Variants in C7 observed in about 807,000 individuals in gnomAD.
C7 encodes the protein complement component C7.
C7 carries 83 observed loss-of-function variants against 104.8 expected under a neutral mutation model. That is an observed-to-expected ratio of 0.79 (90% CI 0.66 to 0.95). The LOEUF (loss-of-function observed/expected upper bound fraction) is 0.95, where lower values mean the gene tolerates loss of function less well. Ranked by LOEUF, C7 falls within the 40% of genes least tolerant of loss-of-function variation. The pLI, the probability that C7 is intolerant of heterozygous loss-of-function variation, is 0.00. For missense variants in C7, 1,070 were observed against 1,011.2 expected (o/e 1.06, Z -0.79); for synonymous variants, 415 against 360.6 (o/e 1.15, Z -1.71).
intron 1 of C7, among the ~76,000 whole-genome samples, chr5:40,916,715 T>A (rs1976422): frequency 0.41 from 62,491 of 151,476 alleles, 14,554 homozygotes; most frequent in African/African-American, 0.65. Flanking sequence ...ATTTTTTTTT[T>A]AAAAAAGCAT....
At chr5:40,951,998 G>A (rs1740181222) in intron 9 of C7, among the ~76,000 whole-genome samples, 1 of 152,190 alleles carries the variant, frequency 6.6e-6, no homozygotes, top group African/African-American at 2.4e-5. Flanking sequence ...ACATGTCAGA[G>A]GAGGAAAAGT....
intron 1 of C7, among the ~76,000 whole-genome samples, chr5:40,923,681 G>A (rs1739489280): frequency 6.6e-6 from 1 of 151,952 alleles, no homozygotes; most frequent in South Asian, 2.1e-4. Flanking sequence ...AGGGGGTGGA[G>A]GTTGCAGTGA....
rs186125457 is a variant in C7 at position 40,942,753 on chromosome 5, C to T, written c.568-2445C>T. 8.6e-3 allele frequency among the ~76,000 whole-genome samples: 1,285 copies of T among 149,902 alleles called. 18 individuals are homozygous for T. The highest frequency in any genetic ancestry group is 0.03 in the African/African-American group (1,233 of 40,890). On this transcript the variant is annotated intron_variant, in intron 6 of 17. Coordinates refer to ENST00000313164, the MANE Select transcript of C7 (RefSeq NM_000587.4). ...AGTGGCACCAATCCGTACAGTTGTG[C>T]GATTTTCTTTCTTTCTTTTTTTTTT...
chr5:40,949,866 A>G, intron 8 of C7, 38 bp from the exon 9 acceptor site: 2 of 1,279,470 alleles, frequency 1.6e-6, no homozygotes, highest in African/African-American at 1.5e-5. Flanking sequence ...CAAGGAATGC[A>G]GAAATTAAAC....
intron 1 of C7, among the ~76,000 whole-genome samples, chr5:40,910,296 T>G (rs2111599042): frequency 6.6e-6 from 1 of 152,194 alleles, no homozygotes; most frequent in South Asian, 2.1e-4. Context: ...AATGCAAAAA[T>G]AAGTTGAGAT....
Position 40,955,467 on chromosome 5 carries a change from G to C in C7, c.1174G>C (p.Glu392Gln). 1.9e-6 allele frequency: 3 copies of C among 1,613,454 alleles called. No individual in the cohort carries two copies. The South Asian group carries it at 3.3e-5, about 18-fold the overall frequency. The change falls in exon 10 of 18, where the codon GAG becomes CAG. Residue 392 changes from glutamate to glutamine, a missense_variant. Transcript: ENST00000313164. Reference protein sequence around the residue: ...AGFISGLSYLELDNPAGNKRR... With the variant: ...AGFISGLSYLQLDNPAGNKRR... The stretch of plus-strand genomic sequence containing the variant: ...CTTCATATCTGGCCTTAGTTACCTA[G>C]AGCTGGACAATCCTGCTGGAAACAA...
At chr5:40,952,422 T>G (rs1203730540) in intron 9 of C7, among the ~76,000 whole-genome samples, 2 of 152,184 alleles carry the variant, frequency 1.3e-5, no homozygotes, top group African/African-American at 4.8e-5. Context: ...CACTGGGGTA[T>G]GGAAAGGGAG....
intron 1 of C7, among the ~76,000 whole-genome samples, chr5:40,911,541 C>T (rs1439694745): frequency 3.9e-5 from 6 of 152,102 alleles, no homozygotes; most frequent in Admixed American, 2.6e-4. Flanking sequence ...AGGGAATGGT[C>T]GTCACAGTGC....
chr5:40,974,912 C>A (rs1201781580), intron 15 of C7, among the ~76,000 whole-genome samples: 1 of 152,106 alleles, frequency 6.6e-6, no homozygotes, highest in South Asian at 2.1e-4. Context: ...GCTATGGGAG[C>A]CTCTTCTGTG....
chr5:40,963,425 A>C (rs1013530914), intron 13 of C7, among the ~76,000 whole-genome samples: 1 of 152,178 alleles, frequency 6.6e-6, no homozygotes, highest in South Asian at 2.1e-4. Flanking sequence ...GGAGGAAGGA[A>C]TAGGATCATG....
chr5:40,964,128 C>T (rs547344982), intron 13 of C7, among the ~76,000 whole-genome samples: 10 of 147,786 alleles, frequency 6.8e-5, no homozygotes, highest in South Asian at 6.6e-4. Context: ...CTGCAACCTC[C>T]GTCCCCCAGG....
At chr5:40,954,877 CAAAAAAAA>C (rs35360366) in intron 9 of C7, 18 of 54,656 alleles carry the variant, frequency 3.3e-4, no homozygotes, top group South Asian at 1.1e-3. Context: ...AATACTGTCT[CAAAAAAAA>C]AAAAAAAAAA....
intron 15 of C7, among the ~76,000 whole-genome samples, chr5:40,974,927 G>T (rs1310210419): frequency 1.3e-5 from 2 of 152,092 alleles, no homozygotes; most frequent in Non-Finnish European, 2.9e-5. Flanking sequence ...TCTGTGCATT[G>T]CAGGGTGCTT....
chr5:40,964,892 A>G lies in C7; in HGVS notation c.1882+19A>G, dbSNP rs770362438. On this transcript the variant is annotated intron_variant, in intron 14 of 17. Coordinates refer to ENST00000313164, the MANE Select transcript of C7 (RefSeq NM_000587.4). Reference sequence around the variant, plus strand: ...TGTCAGAGTGAGTGGCGTCAGTTGTATATAATTTAAGATGAGAAAATTACG... The same window carrying G: ...TGTCAGAGTGAGTGGCGTCAGTTGTGTATAATTTAAGATGAGAAAATTACG... The G allele has an allele frequency of 1.3e-5, 21 of 1,612,560 alleles. No homozygotes were observed. In the South Asian group the frequency reaches 1.9e-4, roughly 14 times the overall value.
chr5:40,974,387 G>GTTTTT lies in C7; in HGVS notation c.2074+1802_2074+1806dup, dbSNP rs34725318. On this transcript the variant is annotated intron_variant, in intron 15 of 17. Transcript: ENST00000313164. ...ATTCTTTGGGCTAGGTAATTCTATC[G>GTTTTT]TTTTTTTTTTTTTCCACAAAGACAT... 3.9e-3 allele frequency among the ~76,000 whole-genome samples: 537 copies of GTTTTT among 138,138 alleles called. 2 individuals are homozygous for GTTTTT. Among genetic ancestry groups the GTTTTT allele is most frequent in the African/African-American group, 0.014 (507 of 37,430 alleles). The allele number at this position is 138,138 out of a possible 152,430, so 90.6% of individuals were successfully genotyped here. A position where few individuals can be genotyped will look rare whatever the true frequency, so the allele number is the denominator to read the frequency against.
At chr5:40,913,822 G>A (rs1739261001) in intron 1 of C7, among the ~76,000 whole-genome samples, 1 of 152,064 alleles carries the variant, frequency 6.6e-6, no homozygotes, top group African/African-American at 2.4e-5. Context: ...TGAGACTACA[G>A]GTGCGTGCCA....
At chr5:40,954,899 A>AAAAC (rs1740255254) in intron 9 of C7, 3 of 292,488 alleles carry the variant, frequency 1.0e-5, no homozygotes, top group Non-Finnish European at 2.0e-5. Flanking sequence ...AAAAAAAAAA[A>AAAAC]AAAAAAGAAA....
At chr5:40,955,005 C>G (rs560531324) in intron 9 of C7, 112 of 226,066 alleles carry the variant, frequency 5.0e-4, no homozygotes, top group Middle Eastern at 1.7e-3. Context: ...CTGTATATCC[C>G]CTGCTCCCAC....
intron 12 of C7, 91 bp from the exon 13 acceptor site, chr5:40,961,994 C>A: frequency 1.8e-6 from 1 of 556,992 alleles, no homozygotes; most frequent in Non-Finnish European, 2.9e-6. Flanking sequence ...AATGGAGTTC[C>A]TTCAGATACA....
Sources: allele counts gnomAD v4.1 joint callset (sites outside exome capture counted in the v4.1 genomes callset), GRCh38; gene constraint gnomAD v4.1.1; transcripts MANE v1.5; gene names NCBI Gene and HGNC (gene_info 2026-07-23, HGNC 2026-07-21).